CNTLN: variants seen among roughly 807,000 people sequenced by gnomAD.
CNTLN encodes the protein centlein.
CNTLN carries 212 observed loss-of-function variants against 180.0 expected under a neutral mutation model. The observed-to-expected ratio is 1.18, with a 90% CI of 1.05 to 1.32. The LOEUF is 1.32. Among genes scored for constraint, CNTLN ranks in the 40% most tolerant of loss-of-function variants. The pLI, the probability that CNTLN is intolerant of heterozygous loss-of-function variation, is 0.00. For missense variants in CNTLN, 2,095 were observed against 1,610.9 expected, an observed-to-expected ratio of 1.30 and a Z score of -5.14; for synonymous variants, 722 against 563.1, an observed-to-expected ratio of 1.28 and a Z score of -3.99.
In CNTLN at chr9:17,162,128, T is replaced by G. The variant is rs565365138; in HGVS notation, c.449+18752T>G. Among the ~76,000 whole-genome samples, 43 of 152,230 alleles carry G rather than the reference T, an allele frequency of 2.8e-4. No individual in the cohort carries two copies. The South Asian group carries it at 7.3e-3, about 26-fold the overall frequency. On this transcript the variant is annotated intron_variant, in intron 2 of 25. Coordinates refer to ENST00000380647, the MANE Select transcript of CNTLN (RefSeq NM_017738.4). ...CTTTCTTTATTTCTTTTTTCTTTTTTTTTTGAGACAGAGTCTCGCTCTGTC... is the reference window on the plus strand; with the variant it reads ...CTTTCTTTATTTCTTTTTTCTTTTTGTTTTGAGACAGAGTCTCGCTCTGTC...
intron 25 of CNTLN, among the ~76,000 whole-genome samples, chr9:17,489,220 C>T (rs187673551): frequency 6.6e-6 from 1 of 151,892 alleles, no homozygotes. Flanking sequence ...CTTTGCCCAC[C>T]AGCCTTTTTT....
intron 3 of CNTLN, among the ~76,000 whole-genome samples, chr9:17,231,529 A>G (rs1349081362): frequency 6.6e-6 from 1 of 152,106 alleles, no homozygotes; most frequent in Non-Finnish European, 1.5e-5. Flanking sequence ...ATAACCTAGT[A>G]AATTGTATTT....
intron 23 of CNTLN, among the ~76,000 whole-genome samples, chr9:17,479,702 TAGA>T (rs1158614030): frequency 6.6e-6 from 1 of 151,896 alleles, no homozygotes; most frequent in Non-Finnish European, 1.5e-5. Context: ...ACAATAAAAT[TAGA>T]AGAAAAGAAA....
At chr9:17,225,579 G>A (rs1038690643) in intron 2 of CNTLN, among the ~76,000 whole-genome samples, 1 of 151,818 alleles carries the variant, frequency 6.6e-6, no homozygotes, top group African/African-American at 2.4e-5. Flanking sequence ...TCAGACCTTT[G>A]TTCCTTCCTT....
At chr9:17,401,812 C>T (rs77358333) in intron 15 of CNTLN, among the ~76,000 whole-genome samples, 4,789 of 118,572 alleles carry the variant, frequency 0.04, 364 homozygotes, top group African/African-American at 0.11. Flanking sequence ...TATGAAAAAG[C>T]GTTAATAGAA....
chr9:17,287,748 G>A (rs2132650284), intron 6 of CNTLN, among the ~76,000 whole-genome samples: 1 of 146,766 alleles, frequency 6.8e-6, no homozygotes, highest in South Asian at 2.2e-4. Flanking sequence ...GAGTGTATGT[G>A]TTGAGGAATT....
chr9:17,270,370 C>G (rs1449737753), intron 5 of CNTLN, among the ~76,000 whole-genome samples: 2 of 152,028 alleles, frequency 1.3e-5, no homozygotes, highest in East Asian at 1.9e-4. Context: ...CTATTGGCAT[C>G]TTCATATTTT....
intron 5 of CNTLN, among the ~76,000 whole-genome samples, chr9:17,263,355 C>T (rs960070169): frequency 8.0e-5 from 12 of 150,816 alleles, no homozygotes; most frequent in African/African-American, 2.5e-4. Flanking sequence ...ATCCATGTCC[C>T]TACAAAGGAC....
chr9:17,368,262 T>C (rs1824001923), intron 13 of CNTLN, among the ~76,000 whole-genome samples: 1 of 152,018 alleles, frequency 6.6e-6, no homozygotes, highest in African/African-American at 2.4e-5. Context: ...CTCCTTTGCC[T>C]GTGGAAAGGG....
chr9:17,236,483 G>A lies in CNTLN; in HGVS notation c.744G>A (p.Lys248=). Residue 248 remains lysine, a synonymous_variant, in exon 5 of 26, where the codon AAG becomes AAA. Transcript: ENST00000380647. ...TAAAAAATCTGGAGGAGGAAAACAA[G>A]AAATTAAGTACCCGCTGCACTGACC... ...LVIKNLEEEN[K]KLSTRCTDLL... is the part of the protein sequence containing the mutation. 1 of 1,613,676 alleles carries A rather than the reference G, an allele frequency of 6.2e-7. No individual in the cohort carries two copies. The highest frequency in any genetic ancestry group is 8.5e-7 in the Non-Finnish European group (1 of 1,179,720).
Position 17,497,187 on chromosome 9 carries a change from G to T in CNTLN, c.4120-5364G>T, listed in dbSNP as rs78486965. Reference sequence around the variant, plus strand: ...TGATCTATGAGAATATTGGTCATCAGTTAGGGAAAAGTGACTTGATAGGAG... The same window carrying T: ...TGATCTATGAGAATATTGGTCATCATTTAGGGAAAAGTGACTTGATAGGAG... On this transcript the variant is annotated intron_variant, in intron 25 of 25. Transcript: ENST00000380647. Among the ~76,000 whole-genome samples the T allele has an allele frequency of 9.9e-5, 15 of 152,226 alleles. No individual in the cohort carries two copies. In the East Asian group the frequency reaches 2.5e-3, roughly 26 times the overall value.
In CNTLN at chr9:17,462,916, A is replaced by G. The variant is rs1831535050; in HGVS notation, c.3307A>G (p.Asn1103Asp). The change falls in exon 20 of 26, where the codon AAT becomes GAT. Residue 1103 changes from asparagine to aspartate, a missense_variant and splice_region_variant. Physicochemically the swap from Asn to Asp is conservative, Grantham distance 23. Transcript: ENST00000380647. Reference protein sequence around the residue: ...EMKQLQYKLKNATNELTKQSS... With the variant: ...EMKQLQYKLKDATNELTKQSS... ...AAATTTATTTCTATTTTTAATCTAG[A>G]ATGCTACTAATGAACTCACTAAACA... is the stretch of plus-strand genomic sequence containing the variant. The G allele has an allele frequency of 2.0e-6, 3 of 1,499,570 alleles. No individual in the cohort carries two copies. The highest frequency in any genetic ancestry group is 2.7e-6 in the Non-Finnish European group (3 of 1,119,056). 92.9% of individuals were successfully genotyped at this position (1,499,570 alleles called of 1,614,324 possible). A position where few individuals can be genotyped will look rare whatever the true frequency, so the allele number is the denominator to read the frequency against.
chr9:17,290,889 C>G (rs1470945482), intron 6 of CNTLN, among the ~76,000 whole-genome samples: 1 of 152,214 alleles, frequency 6.6e-6, no homozygotes, highest in Non-Finnish European at 1.5e-5. Context: ...CGTGCACCCA[C>G]TGGCCTGCGC....
intron 14 of CNTLN, among the ~76,000 whole-genome samples, chr9:17,389,529 A>G (rs949680182): frequency 6.6e-5 from 10 of 152,038 alleles, no homozygotes; most frequent in Admixed American, 5.9e-4. Flanking sequence ...TTAAGACCTG[A>G]ACAACCAATA....
the CNTLN span, among the ~76,000 whole-genome samples, chr9:17,517,237 A>G: frequency 6.6e-6 from 1 of 151,730 alleles, no homozygotes; most frequent in South Asian, 2.1e-4. Flanking sequence ...AAAAATACAA[A>G]AAAAAATTAG....
chr9:17,203,177 G>A (rs1289082839), intron 2 of CNTLN, among the ~76,000 whole-genome samples: 1 of 152,132 alleles, frequency 6.6e-6, no homozygotes, highest in Non-Finnish European at 1.5e-5. Context: ...ACTCTGTTCT[G>A]GCTTGTAAGG....
At chr9:17,325,021 C>G (rs2133067879) in intron 8 of CNTLN, among the ~76,000 whole-genome samples, 1 of 151,634 alleles carries the variant, frequency 6.6e-6, no homozygotes, top group South Asian at 2.1e-4. Flanking sequence ...AAAAGGAGTG[C>G]TAGATGAATT....
At chr9:17,526,016 A>G in the CNTLN span, among the ~76,000 whole-genome samples, 1 of 152,062 alleles carries the variant, frequency 6.6e-6, no homozygotes, top group South Asian at 2.1e-4. Context: ...GCTCACTGCA[A>G]GCTCCGCCTC....
chr9:17,396,548 A>C (rs1171386811), intron 15 of CNTLN, among the ~76,000 whole-genome samples: 1 of 152,116 alleles, frequency 6.6e-6, no homozygotes, highest in East Asian at 1.9e-4. Flanking sequence ...TAAATCCCTA[A>C]TAGTGATTCT....
Sources: gnomAD v4.1 joint callset for allele counts (sites outside exome capture counted in the v4.1 genomes callset) on GRCh38, gnomAD v4.1.1 for gene constraint, MANE v1.5 for transcripts, NCBI Gene and HGNC (gene_info 2026-07-23, HGNC 2026-07-21) for gene names.